Variants in CTTNBP2 observed in about 807,000 individuals in gnomAD.
CTTNBP2 encodes cortactin binding protein 2, also known as cortactin-binding protein 2.
A neutral mutation model predicts 156.9 loss-of-function variants in CTTNBP2; 108 were observed. That is an observed-to-expected ratio of 0.69 (90% CI 0.59 to 0.81). CTTNBP2 has a LOEUF of 0.81. Ranked by LOEUF, CTTNBP2 falls within the 30% of genes least tolerant of loss-of-function variation. The pLI, the probability that CTTNBP2 is intolerant of heterozygous loss-of-function variation, is 0.00. For missense variants in CTTNBP2, 1,924 were observed against 2,035.4 expected (o/e 0.95, Z 1.05); for synonymous variants, 767 against 751.8 (o/e 1.02, Z -0.33).
intron 8 of CTTNBP2, among the ~76,000 whole-genome samples, chr7:117,771,661 T>C (rs1269005338): frequency 1.3e-5 from 2 of 152,070 alleles, no homozygotes; most frequent in Non-Finnish European, 2.9e-5. Flanking sequence ...TTAAGAAAAA[T>C]ACAGTAGTCC....
intron 2 of CTTNBP2, among the ~76,000 whole-genome samples, chr7:117,818,363 C>G (rs1352732883): frequency 1.3e-5 from 2 of 152,116 alleles, no homozygotes; most frequent in Admixed American, 6.5e-5. Flanking sequence ...AGCTCTAACC[C>G]GCTCAACACA....
Position 117,760,623 on chromosome 7 carries a change from A to C in CTTNBP2, c.2984T>G (p.Ile995Arg), listed in dbSNP as rs770354459. 1 of 1,613,626 alleles carries C rather than the reference A, an allele frequency of 6.2e-7. No individual in the cohort carries two copies. Among genetic ancestry groups the C allele is most frequent in the Non-Finnish European group, 8.5e-7 (1 of 1,179,570 alleles). The change falls in exon 10 of 23, where the codon ATA becomes AGA. Residue 995 changes from isoleucine to arginine, a missense_variant. Coordinates refer to ENST00000160373, the MANE Select transcript of CTTNBP2 (RefSeq NM_033427.3). ...CTGTTTGCGGATATTTAAAGCACAT[A>C]TTGTGTTTTCACATTCCAAGTCATC... Reference protein sequence around the residue: ...GSDDLECENTICALNIRKQTS... With the variant: ...GSDDLECENTRCALNIRKQTS...
intron 8 of CTTNBP2, among the ~76,000 whole-genome samples, chr7:117,772,271 G>A (rs1797837294): frequency 6.6e-6 from 1 of 152,198 alleles, no homozygotes; most frequent in African/African-American, 2.4e-5. Context: ...GCTCCCTTAG[G>A]ACAGCACTGA....
intron 16 of CTTNBP2, among the ~76,000 whole-genome samples, chr7:117,733,000 G>C (rs980807763): frequency 6.6e-5 from 10 of 152,128 alleles, no homozygotes; most frequent in African/African-American, 2.2e-4. Flanking sequence ...TGATAGTTTA[G>C]TATTTCCTAC....
chr7:117,849,595 T>A (rs1303022885), intron 2 of CTTNBP2, among the ~76,000 whole-genome samples: 1 of 152,072 alleles, frequency 6.6e-6, no homozygotes, highest in Admixed American at 6.6e-5. Context: ...CATCAGTCCA[T>A]ACCCCTGTGC....
At chr7:117,805,715 C>T (rs760458640) in intron 3 of CTTNBP2, among the ~76,000 whole-genome samples, 2 of 151,936 alleles carry the variant, frequency 1.3e-5, no homozygotes, top group Non-Finnish European at 2.9e-5. Flanking sequence ...AAAGTAGTTT[C>T]CAGTACTACT....
At chr7:117,819,581 C>A (rs571335975) in intron 2 of CTTNBP2, among the ~76,000 whole-genome samples, 5 of 151,972 alleles carry the variant, frequency 3.3e-5, no homozygotes, top group Non-Finnish European at 5.9e-5. Context: ...GAGAAAAGAA[C>A]GGAAGGGTTC....
intron 2 of CTTNBP2, among the ~76,000 whole-genome samples, chr7:117,856,898 C>A (rs983430536): frequency 2.0e-5 from 3 of 152,142 alleles, no homozygotes; most frequent in Admixed American, 6.5e-5. Flanking sequence ...ACTAAGATAC[C>A]TGTAAGAATA....
chr7:117,799,209 T>C (rs1358669227), intron 3 of CTTNBP2, among the ~76,000 whole-genome samples: 1 of 151,952 alleles, frequency 6.6e-6, no homozygotes, highest in Non-Finnish European at 1.5e-5. Flanking sequence ...AAAAATTTTT[T>C]TTAATTTACA....
At chr7:117,769,783 A>C (rs984473974) in intron 8 of CTTNBP2, among the ~76,000 whole-genome samples, 10 of 152,252 alleles carry the variant, frequency 6.6e-5, no homozygotes, top group African/African-American at 2.4e-4. Context: ...TGAATTCTCA[A>C]GATGATAAAT....
intron 12 of CTTNBP2, among the ~76,000 whole-genome samples, chr7:117,753,369 A>G (rs980775745): frequency 4.6e-5 from 7 of 152,228 alleles, no homozygotes; most frequent in African/African-American, 1.4e-4. Context: ...TTCTAGAGGC[A>G]GAAATATCAT....
In CTTNBP2 at chr7:117,711,317, C is replaced by T; in HGVS notation, c.*220G>A. ...AAAACTACTTGAAAAGTTGGCATAA[C>T]TTCCTGGTATTGAAGTTCAATCCTA... On this transcript the variant is annotated 3_prime_UTR_variant, in exon 23 of 23. Coordinates refer to ENST00000160373, the MANE Select transcript of CTTNBP2 (RefSeq NM_033427.3). 2.1e-6 allele frequency: 1 copy of T among 472,214 alleles called. No homozygotes were observed. Among genetic ancestry groups the T allele is most frequent in the Non-Finnish European group, 3.7e-6 (1 of 270,578 alleles). 29.3% of individuals were successfully genotyped at this position (472,214 alleles called of 1,614,324 possible).
Position 117,790,598 on chromosome 7 carries a change from T to TAA in CTTNBP2, c.2068+528_2068+529dup, listed in dbSNP as rs397968884. On this transcript the variant is annotated intron_variant, in intron 4 of 22. Transcript: ENST00000160373. ...AATATTCACACTCCATTTCTGAAGG[T>TAA]AAAAAAAAAAAAAACCGAAAACACC... Among the ~76,000 whole-genome samples the TAA allele has an allele frequency of 2.3e-3, 308 of 136,318 alleles. 2 individuals are homozygous for TAA. Among genetic ancestry groups the TAA allele is most frequent in the African/African-American group, 7.5e-3 (286 of 38,218 alleles). 89.4% of individuals were successfully genotyped at this position (136,318 alleles called of 152,430 possible). A position where few individuals can be genotyped will look rare whatever the true frequency, so the allele number is the denominator to read the frequency against.
intron 14 of CTTNBP2, among the ~76,000 whole-genome samples, chr7:117,738,274 A>C (rs527866878): frequency 2.0e-4 from 30 of 152,324 alleles, no homozygotes; most frequent in Non-Finnish European, 2.9e-5. Context: ...AAGCCTCAGG[A>C]CCAAGCCAAA....
rs143998665 is a variant in CTTNBP2, at chr7:117,740,134, A to C, written c.3536-4713T>G. 1.4e-3 allele frequency among the ~76,000 whole-genome samples: 206 copies of C among 152,244 alleles called. 1 individual carries two copies. Among genetic ancestry groups the C allele is most frequent in the African/African-American group, 4.7e-3 (194 of 41,504 alleles). ...GACATGACCCTCTCTCAAGAAAGGG[A>C]ATATGAGAAGAAAATGTTATTTTAA... is the stretch of plus-strand genomic sequence containing the variant. On this transcript the variant is annotated intron_variant, in intron 14 of 22. Transcript: ENST00000160373.
Position 117,782,915 on chromosome 7 carries a change from A to T in CTTNBP2, c.2319T>A (p.Ala773=). 6.2e-7 allele frequency: 1 copy of T among 1,614,148 alleles called. No individual in the cohort carries two copies. Among genetic ancestry groups the T allele is most frequent in the East Asian group, 2.2e-5 (1 of 44,884 alleles). ...ACAAGGGTGTGAAGCCATTTTTATC[A>T]GCAGCATTGACTTGGGCTTCTGCAC... ...LLSAEAQVNA[A]DKNGFTPLCA... Residue 773 remains alanine, a synonymous_variant, in exon 6 of 23, where the codon GCT becomes GCA. Transcript: ENST00000160373.
chr7:117,773,690 CACACACACACA>C (rs1797924672), intron 8 of CTTNBP2, among the ~76,000 whole-genome samples: 1 of 148,856 alleles, frequency 6.7e-6, no homozygotes, highest in Admixed American at 6.6e-5. Context: ...CACACACACA[CACACACACACA>C]CACACACCCC....
At chr7:117,771,942 G>T (rs1797817754) in intron 8 of CTTNBP2, among the ~76,000 whole-genome samples, 1 of 152,134 alleles carries the variant, frequency 6.6e-6, no homozygotes, top group Non-Finnish European at 1.5e-5. Flanking sequence ...AATGGCAGCA[G>T]CAGGGAGGGG....
At chr7:117,867,621 T>G (rs1243201831) in intron 1 of CTTNBP2, among the ~76,000 whole-genome samples, 2 of 152,118 alleles carry the variant, frequency 1.3e-5, no homozygotes, top group Non-Finnish European at 2.9e-5. Flanking sequence ...AAAGGATGTC[T>G]CAGGTACATC....
Sources: gnomAD v4.1 joint callset for allele counts (sites outside exome capture counted in the v4.1 genomes callset) on GRCh38, gnomAD v4.1.1 for gene constraint, MANE v1.5 for transcripts, NCBI Gene and HGNC (gene_info 2026-07-23, HGNC 2026-07-21) for gene names.